TMEM232: variants seen among roughly 807,000 people sequenced by gnomAD.
The protein encoded by TMEM232 is transmembrane protein 232.
TMEM232 carries 80 observed loss-of-function variants against 78.8 expected under a neutral mutation model. The observed-to-expected ratio is 1.01, with a 90% CI of 0.85 to 1.22. The LOEUF (loss-of-function observed/expected upper bound fraction) is 1.22. Ranked by LOEUF, TMEM232 falls within the 50% of genes most tolerant of loss-of-function variation. The pLI, the probability that TMEM232 is intolerant of heterozygous loss-of-function variation, is 0.00. For synonymous variants in TMEM232, 297 were observed against 254.3 expected (o/e 1.17, Z -1.60); for missense variants, 881 against 742.2 (o/e 1.19, Z -2.17).
chr5:110,578,553 C>T (rs1423064567), intron 10 of TMEM232, among the ~76,000 whole-genome samples: 1 of 151,886 alleles, frequency 6.6e-6, no homozygotes, highest in Non-Finnish European at 1.5e-5. Context: ...AAAATTTGTT[C>T]ACCTATAACT....
intron 1 of TMEM232, among the ~76,000 whole-genome samples, chr5:110,713,924 T>A (rs1248875294): frequency 2.0e-5 from 3 of 152,176 alleles, no homozygotes; most frequent in Non-Finnish European, 4.4e-5. Context: ...CTCTCTTAGT[T>A]GGCTGGTTCC....
chr5:110,446,130 C>G (rs1430631206), intron 12 of TMEM232, among the ~76,000 whole-genome samples: 6 of 152,086 alleles, frequency 3.9e-5, no homozygotes, highest in Non-Finnish European at 1.5e-5. Context: ...TTTTTCTTGT[C>G]CAGGACAAAG....
At chr5:110,629,008 T>C (rs1784784263) in intron 5 of TMEM232, 1 of 152,052 alleles carries the variant, frequency 6.6e-6, no homozygotes, top group Non-Finnish European at 1.5e-5. Context: ...ACACCATTTG[T>C]AGACTTATGA....
At position 110,438,973 on chromosome 5, in the gene TMEM232, T is replaced by C. The variant is rs149571270; in HGVS notation, c.1704-14057A>G. ...CATCTTAAAGCAGGAGGTTAAAAAATAGATAATTTTCTGGGCACATAAATA... is the reference window on the plus strand; with the variant it reads ...CATCTTAAAGCAGGAGGTTAAAAAACAGATAATTTTCTGGGCACATAAATA... On this transcript the variant is annotated intron_variant, in intron 12 of 13. Coordinates refer to ENST00000455884, the MANE Select transcript of TMEM232 (RefSeq NM_001039763.4). 1.7e-3 allele frequency among the ~76,000 whole-genome samples: 266 copies of C among 152,244 alleles called. 1 individual carries two copies. Among genetic ancestry groups the C allele is most frequent in the African/African-American group, 5.9e-3 (246 of 41,560 alleles).
At chr5:110,466,442 T>G (rs957807729) in intron 12 of TMEM232, among the ~76,000 whole-genome samples, 1 of 152,196 alleles carries the variant, frequency 6.6e-6, no homozygotes, top group Non-Finnish European at 1.5e-5. Flanking sequence ...CACTTTTCTA[T>G]GCTTCCTCTA....
chr5:110,453,189 A>T (rs1202934713), intron 12 of TMEM232, among the ~76,000 whole-genome samples: 3 of 152,218 alleles, frequency 2.0e-5, no homozygotes, highest in African/African-American at 7.2e-5. Context: ...TTGCTGCAGC[A>T]CAATTACTCG....
At chr5:110,436,998 G>T (rs116703828) in intron 12 of TMEM232, among the ~76,000 whole-genome samples, 3 of 151,858 alleles carry the variant, frequency 2.0e-5, no homozygotes, top group South Asian at 4.1e-4. Context: ...AATGTCATTG[G>T]TATACTCATA....
At chr5:110,571,726 T>G (rs1776964149) in intron 10 of TMEM232, among the ~76,000 whole-genome samples, 1 of 151,504 alleles carries the variant, frequency 6.6e-6, no homozygotes, top group South Asian at 2.1e-4. Flanking sequence ...GGCATAGTGG[T>G]GCACATCTGT....
At chr5:110,567,044 ATC>A (rs1776424055) in intron 11 of TMEM232, among the ~76,000 whole-genome samples, 1 of 151,764 alleles carries the variant, frequency 6.6e-6, no homozygotes, top group Admixed American at 6.6e-5. Flanking sequence ...AAACCATCAG[ATC>A]TCATGAGACT....
intron 1 of TMEM232, among the ~76,000 whole-genome samples, chr5:110,681,437 T>C (rs1735136923): frequency 6.6e-6 from 1 of 152,190 alleles, no homozygotes. Context: ...TTTCAGTTTC[T>C]CACCTGTAAA....
At chr5:110,601,833 G>T (rs1780949236) in intron 10 of TMEM232, among the ~76,000 whole-genome samples, 2 of 152,094 alleles carry the variant, frequency 1.3e-5, no homozygotes, top group South Asian at 2.1e-4. Context: ...AGTTTGTATA[G>T]CCAAGAAAAT....
chr5:110,673,501 C>T (rs907898095), intron 1 of TMEM232, among the ~76,000 whole-genome samples: 2 of 151,838 alleles, frequency 1.3e-5, no homozygotes, highest in African/African-American at 2.4e-5. Context: ...TAGAGGGTCA[C>T]GTAAGGTCGA....
intron 1 of TMEM232, among the ~76,000 whole-genome samples, chr5:110,672,466 T>C (rs550232525): frequency 6.6e-6 from 1 of 152,314 alleles, no homozygotes; most frequent in East Asian, 1.9e-4. Flanking sequence ...AGTTGTGATA[T>C]ACAAGAGAGA....
intron 2 of TMEM232, among the ~76,000 whole-genome samples, chr5:110,656,183 T>C (rs948737506): frequency 1.3e-5 from 2 of 152,224 alleles, no homozygotes; most frequent in Non-Finnish European, 2.9e-5. Context: ...TTCAGAAAGC[T>C]GCATGTTCAC....
At chr5:110,430,696 A>ATTATAAACAT (rs1411762886) in intron 12 of TMEM232, among the ~76,000 whole-genome samples, 1 of 151,752 alleles carries the variant, frequency 6.6e-6, no homozygotes, top group African/African-American at 2.4e-5. Flanking sequence ...ATTCTAATTT[A>ATTATAAACAT]TTATAAACAT....
chr5:110,692,229 G>C (rs1794214465), intron 1 of TMEM232, among the ~76,000 whole-genome samples: 2 of 152,282 alleles, frequency 1.3e-5, no homozygotes, highest in Non-Finnish European at 1.5e-5. Flanking sequence ...CACATTCTCA[G>C]TTTGCACTGA....
At chr5:110,431,528 A>G (rs1350904365) in intron 12 of TMEM232, among the ~76,000 whole-genome samples, 1 of 151,732 alleles carries the variant, frequency 6.6e-6, no homozygotes, top group East Asian at 1.9e-4. Flanking sequence ...TTTTAATACA[A>G]AAAATCCAGA....
chr5:110,483,983 T>C (rs1764194974), intron 12 of TMEM232, among the ~76,000 whole-genome samples: 1 of 152,046 alleles, frequency 6.6e-6, no homozygotes, highest in Non-Finnish European at 1.5e-5. Context: ...GCAACTATAA[T>C]AAGGAACAAA....
intron 12 of TMEM232, among the ~76,000 whole-genome samples, chr5:110,516,495 A>G (rs1432943895): frequency 6.6e-6 from 1 of 152,158 alleles, no homozygotes; most frequent in African/African-American, 2.4e-5. Flanking sequence ...CGTTTTACTG[A>G]CAAATAGAGA....
Sources: allele counts gnomAD v4.1 joint callset (sites outside exome capture counted in the v4.1 genomes callset), GRCh38; gene constraint gnomAD v4.1.1; transcripts MANE v1.5; gene names NCBI Gene and HGNC (gene_info 2026-07-23, HGNC 2026-07-21).